PPIP5K2: variants seen among roughly 807,000 people sequenced by gnomAD.
PPIP5K2 encodes diphosphoinositol pentakisphosphate kinase 2, also known as inositol hexakisphosphate and diphosphoinositol-pentakisphosphate kinase 2.
Under a neutral mutation model 154.6 loss-of-function variants are expected in PPIP5K2, and 105 were observed. The ratio of observed to expected loss-of-function variants is 0.68; its 90% CI spans 0.58 to 0.80. PPIP5K2 has a LOEUF of 0.80. PPIP5K2 is among the 30% of genes least tolerant of loss of function. PPIP5K2 has a pLI of 0.00. For missense variants in PPIP5K2, 992 were observed against 1,504.6 expected, an observed-to-expected ratio of 0.66 and a Z score of 5.64; for synonymous variants, 480 against 490.3, an observed-to-expected ratio of 0.98 and a Z score of 0.28.
At chr5:103,157,744 A>G (rs1554214036) in intron 14 of PPIP5K2, among the ~76,000 whole-genome samples, 1 of 152,078 alleles carries the variant, frequency 6.6e-6, no homozygotes, top group Non-Finnish European at 1.5e-5. Flanking sequence ...CTTCACTTCA[A>G]CTAAGGTATT....
chr5:103,123,972 C>T (rs1386928663), intron 1 of PPIP5K2, among the ~76,000 whole-genome samples: 3 of 152,152 alleles, frequency 2.0e-5, no homozygotes, highest in Non-Finnish European at 4.4e-5. Flanking sequence ...TCCTGCATCT[C>T]TTATGATGCT....
intron 19 of PPIP5K2, among the ~76,000 whole-genome samples, chr5:103,169,916 C>T (rs1467677376): frequency 6.6e-6 from 1 of 151,596 alleles, no homozygotes; most frequent in Non-Finnish European, 1.5e-5. Context: ...TCAAGGTGGG[C>T]TGTCAGTATA....
intron 17 of PPIP5K2, among the ~76,000 whole-genome samples, chr5:103,160,833 G>A (rs1796103390): frequency 6.6e-6 from 1 of 152,026 alleles, no homozygotes; most frequent in Non-Finnish European, 1.5e-5. Flanking sequence ...TGGCACCTGT[G>A]CAATGAGCAT....
intron 13 of PPIP5K2, among the ~76,000 whole-genome samples, chr5:103,155,696 G>T (rs1437597581): frequency 6.6e-6 from 1 of 151,788 alleles, no homozygotes; most frequent in East Asian, 1.9e-4. Flanking sequence ...AAAGTGCTGG[G>T]ATTACAGGCT....
At chr5:103,178,578 C>T (rs1554221740) in intron 23 of PPIP5K2, among the ~76,000 whole-genome samples, 1 of 151,374 alleles carries the variant, frequency 6.6e-6, no homozygotes, top group East Asian at 1.9e-4. Context: ...ATGTTTCATG[C>T]ATTTTCATAT....
In PPIP5K2 at chr5:103,159,202, T is replaced by C; in HGVS notation, c.1794T>C (p.Ser598=). 6.2e-7 allele frequency: 1 copy of C among 1,611,432 alleles called. No individual in the cohort carries two copies. Among genetic ancestry groups the C allele is most frequent in the Non-Finnish European group, 8.5e-7 (1 of 1,178,012 alleles). The change falls in exon 17 of 31, where the codon AGT becomes AGC. Residue 598 remains serine (S), a synonymous_variant. Coordinates refer to ENST00000358359, the MANE Select transcript of PPIP5K2 (RefSeq NM_001276277.3). The part of the protein sequence containing the change: ...LTPILVQMVK[S]ANMNGLLDSD... Reference sequence around the variant, plus strand: ...CCATTCTTGTTCAAATGGTGAAAAGTGCAAATATGAACGGTCTTTTGGATA... The same window carrying C: ...CCATTCTTGTTCAAATGGTGAAAAGCGCAAATATGAACGGTCTTTTGGATA...
At chr5:103,191,923 A>G (rs1801307770) in intron 29 of PPIP5K2, among the ~76,000 whole-genome samples, 1 of 152,112 alleles carries the variant, frequency 6.6e-6, no homozygotes, top group Non-Finnish European at 1.5e-5. Flanking sequence ...TGAGTGCTGT[A>G]AATAAATTTT....
chr5:103,120,743 A>G (rs782712808), intron 1 of PPIP5K2: 9 of 326,964 alleles, frequency 2.8e-5, no homozygotes, highest in Non-Finnish European at 4.3e-5. Context: ...TCGAGACGCC[A>G]GAAATTGAAG....
rs1795746823 is a variant in PPIP5K2, at chr5:103,158,474, T to A, written c.1638T>A (p.Gly546=). The change falls in exon 16 of 31, where the codon GGT becomes GGA. Residue 546 remains glycine (G), a synonymous_variant. Transcript: ENST00000358359. ...CAGGAGATTATGCAGGATTTCCTGG[T>A]TGTGGTTTACTTAGATTACATAGCA... is the stretch of plus-strand genomic sequence containing the variant. ...GGQGDYAGFP[G]CGLLRLHSTY... is the part of the protein sequence containing the mutation. The A allele has an allele frequency of 6.2e-6, 10 of 1,608,030 alleles. No homozygotes were observed. Among genetic ancestry groups the A allele is most frequent in the Non-Finnish European group, 7.6e-6 (9 of 1,178,560 alleles).
intron 29 of PPIP5K2, among the ~76,000 whole-genome samples, chr5:103,193,630 T>A (rs1389849228): frequency 1.3e-5 from 2 of 152,124 alleles, no homozygotes; most frequent in Non-Finnish European, 2.9e-5. Context: ...TATGATGTTT[T>A]AAGGACTTTT....
At chr5:103,186,180 A>G (rs1800341940) in intron 26 of PPIP5K2, 140 bp from the exon 27 acceptor site, 4 of 975,096 alleles carry the variant, frequency 4.1e-6, no homozygotes, top group Non-Finnish European at 6.1e-6. Context: ...GGAAATTACA[A>G]GAATATTGTG....
At position 103,212,299 on chromosome 5, in the gene PPIP5K2, A is replaced by G. The variant is rs145511178; in HGVS notation, c.*10665A>G. ...CACTTTCACAATCCAGGGCACACACATGACTCCCGCAATAGGAAACCACAC... is the reference window on the plus strand; with the variant it reads ...CACTTTCACAATCCAGGGCACACACGTGACTCCCGCAATAGGAAACCACAC... On this transcript the variant is annotated 3_prime_UTR_variant, in exon 31 of 31. Transcript: ENST00000358359. The G allele has an allele frequency of 8.3e-4, 127 of 152,862 alleles. 1 individual carries two copies. Among genetic ancestry groups the G allele is most frequent in the Non-Finnish European group, 1.3e-3 (91 of 68,000 alleles). The allele number at this position is 152,862 out of a possible 1,614,324, so 9.5% of individuals were successfully genotyped here. A position where few individuals can be genotyped will look rare whatever the true frequency, so the allele number is the denominator to read the frequency against.
At chr5:103,155,169 G>A (rs1554212755) in intron 13 of PPIP5K2, among the ~76,000 whole-genome samples, 2 of 151,946 alleles carry the variant, frequency 1.3e-5, no homozygotes, top group African/African-American at 4.8e-5. Context: ...CATCAAATTT[G>A]TGTCTTCTGT....
chr5:103,153,921 G>C lies in PPIP5K2; in HGVS notation c.1204G>C (p.Val402Leu). 1 of 1,602,792 alleles carries C rather than the reference G, an allele frequency of 6.2e-7. No individual in the cohort carries two copies. The highest frequency in any genetic ancestry group is 1.1e-5 in the South Asian group (1 of 90,024). ...ACCAAAACAAAAAATGAAAATGGAAGTGAGACATCAGAAGTATGTTTTCAG... is the reference window on the plus strand; with the variant it reads ...ACCAAAACAAAAAATGAAAATGGAACTGAGACATCAGAAGTATGTTTTCAG... ...RTPKQKMKME[V>L]RHQKFFDLFE... Residue 402 changes from valine to leucine, a missense_variant, in exon 11 of 31, where the codon GTG becomes CTG. Physicochemically the swap from Val to Leu is conservative, Grantham distance 32. Coordinates refer to ENST00000358359, the MANE Select transcript of PPIP5K2 (RefSeq NM_001276277.3).
At chr5:103,136,302 A>T (rs1414971893) in intron 3 of PPIP5K2, among the ~76,000 whole-genome samples, 11 of 152,290 alleles carry the variant, frequency 7.2e-5, no homozygotes, top group Admixed American at 5.2e-4. Flanking sequence ...TAAGTCTTTG[A>T]ATATCAGCTA....
At chr5:103,192,927 G>T (rs1459417360) in intron 29 of PPIP5K2, among the ~76,000 whole-genome samples, 5 of 152,122 alleles carry the variant, frequency 3.3e-5, no homozygotes, top group African/African-American at 1.2e-4. Flanking sequence ...ATAAACCTTA[G>T]AGATAATCTA....
intron 29 of PPIP5K2, among the ~76,000 whole-genome samples, chr5:103,192,426 C>T (rs1801380563): frequency 6.6e-6 from 1 of 152,022 alleles, no homozygotes; most frequent in African/African-American, 2.4e-5. Context: ...TAGTTTACCC[C>T]TTCACCCTTA....
At chr5:103,189,172 C>G in intron 28 of PPIP5K2, 8 of 1,529,202 alleles carry the variant, frequency 5.2e-6, no homozygotes, top group Non-Finnish European at 7.0e-6. Flanking sequence ...TGCAGAACAC[C>G]TACACCTCTA....
intron 21 of PPIP5K2, among the ~76,000 whole-genome samples, chr5:103,174,976 A>G (rs564742124): frequency 6.6e-6 from 1 of 152,224 alleles, no homozygotes; most frequent in East Asian, 1.9e-4. Flanking sequence ...GCCATGCTGT[A>G]ATAGAGTAAT....
Sources: allele counts gnomAD v4.1 joint callset (sites outside exome capture counted in the v4.1 genomes callset), GRCh38; gene constraint gnomAD v4.1.1; transcripts MANE v1.5; gene names NCBI Gene and HGNC (gene_info 2026-07-23, HGNC 2026-07-21).